The following ABCE1 variants were observed in gnomAD, a reference collection of about 807,000 sequenced individuals.
The protein encoded by ABCE1 is ATP-binding cassette sub-family E member 1.
A neutral mutation model predicts 83.4 loss-of-function variants in ABCE1; 22 were observed. The ratio of observed to expected loss-of-function variants is 0.26; its 90% CI spans 0.19 to 0.38. The LOEUF (loss-of-function observed/expected upper bound fraction) is 0.38, where lower values mean the gene tolerates loss of function less well. Among genes scored for constraint, ABCE1 ranks in the 10% least tolerant of loss-of-function variants. The pLI, the probability that ABCE1 is intolerant of heterozygous loss-of-function variation, is 1.00. For missense variants in ABCE1, 330 were observed against 721.9 expected (o/e 0.46, Z 6.22); for synonymous variants, 204 against 233.7 (o/e 0.87, Z 1.16).
chr4:145,098,560 A>C (rs957698767), intron 1 of ABCE1, 141 bp downstream of exon 1: 15 of 152,138 alleles, frequency 9.9e-5, no homozygotes, highest in African/African-American at 3.4e-4. Flanking sequence ...TTCCTGCGGG[A>C]CAGCTGGAAC....
At chr4:145,104,882 C>T (rs972200480) in intron 2 of ABCE1, among the ~76,000 whole-genome samples, 2 of 151,602 alleles carry the variant, frequency 1.3e-5, no homozygotes, top group Non-Finnish European at 2.9e-5. Flanking sequence ...TAAACTTTGA[C>T]AGTATTTTCA....
intron 10 of ABCE1, among the ~76,000 whole-genome samples, chr4:145,117,940 T>G (rs2126710345): frequency 6.6e-6 from 1 of 151,880 alleles, no homozygotes; most frequent in South Asian, 2.1e-4. Flanking sequence ...GGCCTCTCCC[T>G]TCCATGTCTC....
At chr4:145,105,891 A>G (rs552137746) in intron 3 of ABCE1, among the ~76,000 whole-genome samples, 1 of 151,980 alleles carries the variant, frequency 6.6e-6, no homozygotes, top group East Asian at 1.9e-4. Flanking sequence ...TTTAAAAGTT[A>G]CTCTTGCTGT....
chr4:145,123,591 T>C lies in ABCE1; in HGVS notation c.1631T>C (p.Val544Ala). The change falls in exon 16 of 18, where the codon GTT becomes GCT. Residue 544 changes from valine (V) to alanine (A), a missense_variant. Physicochemically the swap from Val to Ala is moderately conservative, Grantham distance 64. Transcript: ENST00000296577. ...GATGGTGTTCCATCTAAGAACACAG[T>C]TGCAAACAGGTAAAATTACTTTTTA... is the stretch of plus-strand genomic sequence containing the variant. ...VFDGVPSKNT[V>A]ANSPQTLLAG... is the part of the protein sequence containing the mutation. 1 of 1,596,834 alleles carries C rather than the reference T, an allele frequency of 6.3e-7. No individual in the cohort carries two copies. The highest frequency in any genetic ancestry group is 8.6e-7 in the Non-Finnish European group (1 of 1,165,798).
rs1425222181 is a variant in ABCE1 at position 145,105,618 on chromosome 4, A to G, written c.117A>G (p.Ile39Met). ...CPVVRMGKLC[I>M]EVTPQSKIAW... is the part of the protein sequence containing the mutation. Reference sequence around the variant, plus strand: ...TTCCTTTACCAGGAAAATTATGCATAGAGGTTACACCCCAGAGCAAAATAG... The same window carrying G: ...TTCCTTTACCAGGAAAATTATGCATGGAGGTTACACCCCAGAGCAAAATAG... Residue 39 changes from isoleucine (I) to methionine (M), a missense_variant, in exon 3 of 18, where the codon ATA becomes ATG. Ile to Met is a conservative substitution (Grantham distance 10). Coordinates refer to ENST00000296577, the MANE Select transcript of ABCE1 (RefSeq NM_002940.3). The G allele has an allele frequency of 1.9e-6, 3 of 1,600,402 alleles. No homozygotes were observed. Among genetic ancestry groups the G allele is most frequent in the Non-Finnish European group, 2.6e-6 (3 of 1,171,024 alleles).
intron 1 of ABCE1, among the ~76,000 whole-genome samples, chr4:145,103,903 A>T (rs1749222840): frequency 6.6e-6 from 1 of 151,736 alleles, no homozygotes. Flanking sequence ...CTGGGACCGC[A>T]GGCGCACACC....
At chr4:145,119,505 T>C (rs1485043810) in intron 10 of ABCE1, among the ~76,000 whole-genome samples, 3 of 152,022 alleles carry the variant, frequency 2.0e-5, no homozygotes, top group South Asian at 2.1e-4. Flanking sequence ...CCTCAAAATA[T>C]GTGCTTATGT....
At chr4:145,121,650 G>GATC (rs1184413955) in intron 13 of ABCE1, 4 of 324,686 alleles carry the variant, frequency 1.2e-5, no homozygotes, top group Admixed American at 4.7e-5. Flanking sequence ...TAGGCCAGCA[G>GATC]ATCACGAGGT....
intron 11 of ABCE1, 128 bp from the exon 12 acceptor site, chr4:145,121,046 T>C (rs1039232275): frequency 6.0e-6 from 5 of 833,822 alleles, no homozygotes; most frequent in Admixed American, 4.7e-5. Flanking sequence ...CTATATAAAC[T>C]TCAGAATTCA....
intron 9 of ABCE1, among the ~76,000 whole-genome samples, chr4:145,116,179 C>G (rs1749603597): frequency 6.6e-6 from 1 of 151,840 alleles, no homozygotes; most frequent in Admixed American, 6.6e-5. Flanking sequence ...AAAAAAGATG[C>G]ATTCTTCAGT....
At chr4:145,107,301 A>G (rs1749335863) in intron 3 of ABCE1, among the ~76,000 whole-genome samples, 1 of 152,114 alleles carries the variant, frequency 6.6e-6, no homozygotes, top group Non-Finnish European at 1.5e-5. Context: ...AAATAGCCCA[A>G]AAAAGGATAA....
At chr4:145,126,363 C>T (rs62345101) in intron 17 of ABCE1, among the ~76,000 whole-genome samples, 3,448 of 152,156 alleles carry the variant, frequency 0.023, 58 homozygotes, top group Non-Finnish European at 0.038. Context: ...GGCGTGATCT[C>T]GGCTCACTAC....
chr4:145,105,690 G>A lies in ABCE1; in HGVS notation c.189G>A (p.Lys63=). 6.3e-7 allele frequency: 1 copy of A among 1,585,024 alleles called. No homozygotes were observed. Among genetic ancestry groups the A allele is most frequent in the Non-Finnish European group, 8.6e-7 (1 of 1,159,018 alleles). Residue 63 remains lysine, a splice_region_variant and synonymous_variant, in exon 3 of 18, where the codon AAG becomes AAA. Transcript: ENST00000296577. ...TLCIGCGICI[K]KCPFGALSIV... is the part of the protein sequence containing the mutation. The stretch of plus-strand genomic sequence containing the variant: ...GTATTGGTTGTGGTATCTGTATTAA[G>A]GTAAGTAATATTTTATTTACTGGAT...
chr4:145,116,216 G>T (rs935606469), intron 9 of ABCE1, among the ~76,000 whole-genome samples: 6 of 151,850 alleles, frequency 4.0e-5, no homozygotes, highest in African/African-American at 1.4e-4. Flanking sequence ...CTAATAGAAA[G>T]ATAGTAACTA....
chr4:145,122,823 T>G, intron 13 of ABCE1, 198 bp from the exon 14 acceptor site: 1 of 465,340 alleles, frequency 2.1e-6, no homozygotes, highest in Non-Finnish European at 3.8e-6. Context: ...AAAAAAAAAA[T>G]TCCTTTTTAC....
intron 16 of ABCE1, chr4:145,123,895 C>A: frequency 5.2e-6 from 1 of 194,070 alleles, no homozygotes; most frequent in Non-Finnish European, 1.1e-5. Context: ...TTTGAATTTC[C>A]CAAAAAAGAT....
At chr4:145,100,400 A>C (rs1242202608) in intron 1 of ABCE1, among the ~76,000 whole-genome samples, 1 of 152,236 alleles carries the variant, frequency 6.6e-6, no homozygotes, top group East Asian at 1.9e-4. Flanking sequence ...TAGTTTGAAA[A>C]ATTAAATATT....
chr4:145,125,957 C>A (rs1749874131), intron 17 of ABCE1, among the ~76,000 whole-genome samples: 1 of 152,074 alleles, frequency 6.6e-6, no homozygotes, highest in Non-Finnish European at 1.5e-5. Flanking sequence ...AGGAGAATCA[C>A]TTCAACCCAG....
In ABCE1 at chr4:145,128,916, A is replaced by G. The variant is rs1031905062; in HGVS notation, c.*1343A>G. Reference sequence around the variant, plus strand: ...ATAAATACATGTTGTAAAAAATTCAAATATACAGAATGGAATAAAAAAATG... The same window carrying G: ...ATAAATACATGTTGTAAAAAATTCAGATATACAGAATGGAATAAAAAAATG... On this transcript the variant is annotated 3_prime_UTR_variant, in exon 18 of 18. Transcript: ENST00000296577. The G allele has an allele frequency of 5.9e-5, 9 of 152,194 alleles. No homozygotes were observed. Among genetic ancestry groups the G allele is most frequent in the Non-Finnish European group, 8.8e-5 (6 of 68,026 alleles). 9.4% of individuals were successfully genotyped at this position (152,194 alleles called of 1,614,324 possible). A position where few individuals can be genotyped will look rare whatever the true frequency, so the allele number is the denominator to read the frequency against.
Sources: allele counts gnomAD v4.1 joint callset (sites outside exome capture counted in the v4.1 genomes callset), GRCh38; gene constraint gnomAD v4.1.1; transcripts MANE v1.5; gene names NCBI Gene and HGNC (gene_info 2026-07-23, HGNC 2026-07-21).